The following ARFGEF2 variants were observed in gnomAD, a reference collection of about 807,000 sequenced individuals.
ARFGEF2 encodes ARF guanine nucleotide exchange factor 2.
A neutral mutation model predicts 219.9 loss-of-function variants in ARFGEF2; 74 were observed. That is an observed-to-expected ratio of 0.34 (90% CI 0.28 to 0.41). The LOEUF is 0.41. ARFGEF2 is among the 10% of genes least tolerant of loss of function. The pLI, the probability that ARFGEF2 is intolerant of heterozygous loss-of-function variation, is 1.00. For synonymous variants in ARFGEF2, 733 were observed against 799.2 expected, an observed-to-expected ratio of 0.92 and a Z score of 1.40; for missense variants, 1,743 against 2,218.3, an observed-to-expected ratio of 0.79 and a Z score of 4.30.
Position 48,971,167 on chromosome 20 carries a change from CTG to C in ARFGEF2, c.1242_1243del (p.Leu415AlafsTer35). On this transcript the variant is annotated frameshift_variant, in exon 10 of 39. Transcript: ENST00000371917. LOFTEE classifies it high-confidence loss of function. ...GTGGTTTCCCTGCAGCTGCTCCTCT[CTG>C]TGTTGCAAAATGCTGGCCCCGTATT... The C allele has an allele frequency of 6.2e-7, 1 of 1,614,206 alleles. No homozygotes were observed. Among genetic ancestry groups the C allele is most frequent in the Non-Finnish European group, 8.5e-7 (1 of 1,180,042 alleles).
In ARFGEF2 at chr20:48,935,376, T is replaced by C. The variant is rs377333471; in HGVS notation, c.122-5823T>C. On this transcript the variant is annotated intron_variant, in intron 1 of 38. Transcript: ENST00000371917. ...CTTAATCCATTCAACCCTGAGTGGA[T>C]ACAGCACATGTTTCAGAGAGCACAG... Among the ~76,000 whole-genome samples, 158 of 152,218 alleles carry C rather than the reference T, an allele frequency of 1.0e-3. 1 individual carries two copies. Among genetic ancestry groups the C allele is most frequent in the African/African-American group, 3.6e-3 (149 of 41,544 alleles).
chr20:48,922,929 TAGGTG>T (rs1213048253), intron 1 of ARFGEF2, among the ~76,000 whole-genome samples: 6 of 151,956 alleles, frequency 3.9e-5, no homozygotes, highest in Non-Finnish European at 8.8e-5. Flanking sequence ...ATTAAGAAAA[TAGGTG>T]AGGTATTTTG....
chr20:48,953,853 A>C, intron 6 of ARFGEF2, 63 bp downstream of exon 6: 1 of 1,462,740 alleles, frequency 6.8e-7, no homozygotes. Context: ...TGTGAGGGGC[A>C]GAAGAAGTGT....
At position 49,025,423 on chromosome 20, in the gene ARFGEF2, T is replaced by C; in HGVS notation, c.4866T>C (p.His1622=). The change falls in exon 36 of 39, where the codon CAT becomes CAC. Residue 1622 remains histidine, a synonymous_variant. Transcript: ENST00000371917. ...TGTTGGACTGTTTGCAGGAATCCCATTCATTCTCAAAGGCCTTCAACTCCA... is the reference window on the plus strand; with the variant it reads ...TGTTGGACTGTTTGCAGGAATCCCACTCATTCTCAAAGGCCTTCAACTCCA... The part of the protein sequence containing the change: ...FKLLDCLQES[H]SFSKAFNSNY... The C allele has an allele frequency of 1.2e-6, 2 of 1,614,112 alleles. No homozygotes were observed. Among genetic ancestry groups the C allele is most frequent in the South Asian group, 1.1e-5 (1 of 91,080 alleles).
intron 3 of ARFGEF2, among the ~76,000 whole-genome samples, chr20:48,949,083 A>G (rs1362720249): frequency 6.6e-6 from 1 of 152,262 alleles, no homozygotes; most frequent in African/African-American, 2.4e-5. Flanking sequence ...CACAGGATAC[A>G]GGAACTCTCC....
chr20:48,941,275 G>A (rs2090991615), intron 2 of ARFGEF2, 46 bp downstream of exon 2: 1 of 1,596,600 alleles, frequency 6.3e-7, no homozygotes, highest in Non-Finnish European at 8.6e-7. Context: ...CATGAAGGGA[G>A]TAGGTAGCAA....
At chr20:49,025,100 A>T (rs1016118822) in intron 35 of ARFGEF2, among the ~76,000 whole-genome samples, 2 of 152,244 alleles carry the variant, frequency 1.3e-5, no homozygotes, top group Non-Finnish European at 2.9e-5. Flanking sequence ...AACTTTGGCC[A>T]GCCAAGCCTG....
At chr20:48,929,031 T>G (rs2090897011) in intron 1 of ARFGEF2, among the ~76,000 whole-genome samples, 1 of 152,236 alleles carries the variant, frequency 6.6e-6, no homozygotes, top group Non-Finnish European at 1.5e-5. Context: ...AATGTGTACT[T>G]AATCAGCAAG....
Position 48,975,998 on chromosome 20 carries a change from A to G in ARFGEF2, c.1775-18A>G. The G allele has an allele frequency of 6.2e-7, 1 of 1,611,886 alleles. No individual in the cohort carries two copies. The highest frequency in any genetic ancestry group is 8.5e-7 in the Non-Finnish European group (1 of 1,179,926). ...CCCACTTGCTTATTTGGCTTCCTTT[A>G]CTTTTGTTTCTCCGCAGGTCAGGAG... On this transcript the variant is annotated intron_variant, in intron 13 of 38. Transcript: ENST00000371917.
chr20:49,017,133 A>G, intron 31 of ARFGEF2, 116 bp from the exon 32 acceptor site: 1 of 1,039,000 alleles, frequency 9.6e-7, no homozygotes, highest in Non-Finnish European at 1.4e-6. Flanking sequence ...TTCATTAATT[A>G]AAAGCCTAGA....
chr20:49,026,109 C>A (rs1039233635), intron 36 of ARFGEF2, among the ~76,000 whole-genome samples: 3 of 151,278 alleles, frequency 2.0e-5, no homozygotes, highest in East Asian at 2.0e-4. Flanking sequence ...CTAAGGCAGG[C>A]GGATTGCTTG....
At chr20:48,970,623 T>A (rs1467128679) in intron 9 of ARFGEF2, among the ~76,000 whole-genome samples, 4 of 151,716 alleles carry the variant, frequency 2.6e-5, no homozygotes, top group Admixed American at 6.6e-5. Context: ...AAAAAATAAA[T>A]AAATAAATAA....
Position 49,018,891 on chromosome 20 carries a change from A to G in ARFGEF2, c.4517A>G (p.Asp1506Gly), listed in dbSNP as rs2091546808. 6.2e-7 allele frequency: 1 copy of G among 1,613,538 alleles called. No individual in the cohort carries two copies. Among genetic ancestry groups the G allele is most frequent in the East Asian group, 2.2e-5 (1 of 44,880 alleles). The stretch of plus-strand genomic sequence containing the variant: ...CCTCTGGTTTACATTTAGGATGTGG[A>G]TCTGGACCGCCAGTCTTTAAGCAGC... ...EDSSEKHLDV[D>G]LDRQSLSSID... The change falls in exon 34 of 39, where the codon GAT becomes GGT. Residue 1506 changes from aspartate (D) to glycine (G), a missense_variant. By Grantham distance (94) the Asp-to-Gly change is moderately conservative. Coordinates refer to ENST00000371917, the MANE Select transcript of ARFGEF2 (RefSeq NM_006420.3).
intron 6 of ARFGEF2, among the ~76,000 whole-genome samples, chr20:48,959,522 CCTCT>C (rs1357507469): frequency 2.3e-5 from 1 of 42,980 alleles, no homozygotes. Flanking sequence ...TTCCACCCTC[CCTCT>C]TTCCCTCCCT....
chr20:48,945,459 T>C (rs1322280085), intron 3 of ARFGEF2, among the ~76,000 whole-genome samples: 1 of 152,214 alleles, frequency 6.6e-6, no homozygotes, highest in Non-Finnish European at 1.5e-5. Flanking sequence ...AAATCGTTTG[T>C]TTCTGGAACT....
chr20:49,020,148 A>G (rs1278998797), intron 34 of ARFGEF2, among the ~76,000 whole-genome samples: 2 of 152,114 alleles, frequency 1.3e-5, no homozygotes. Context: ...CAGCCTGAGG[A>G]ATGGGAACTT....
intron 35 of ARFGEF2, among the ~76,000 whole-genome samples, chr20:49,023,491 T>C (rs1390547109): frequency 1.3e-5 from 2 of 152,104 alleles, no homozygotes; most frequent in African/African-American, 4.8e-5. Context: ...ACAGGAACTA[T>C]TCCCCACAAT....
chr20:48,975,315 T>C (rs906122862), intron 13 of ARFGEF2, among the ~76,000 whole-genome samples: 3 of 152,204 alleles, frequency 2.0e-5, no homozygotes, highest in Non-Finnish European at 2.9e-5. Context: ...CCCAAAGCTC[T>C]GGGATTACAG....
At chr20:48,950,814 ATAT>A (rs1568699394) in intron 3 of ARFGEF2, among the ~76,000 whole-genome samples, 5,452 of 50,398 alleles carry the variant, frequency 0.11, 329 homozygotes, top group East Asian at 0.15. Context: ...AAAAAAAAAT[ATAT>A]ATATATATAT....
Sources: gnomAD v4.1 joint callset for allele counts (sites outside exome capture counted in the v4.1 genomes callset) on GRCh38, gnomAD v4.1.1 for gene constraint, MANE v1.5 for transcripts, NCBI Gene and HGNC (gene_info 2026-07-23, HGNC 2026-07-21) for gene names.